Variants in TNFRSF13C observed in about 807,000 individuals in gnomAD.
TNFRSF13C encodes the protein TNF receptor superfamily member 13C.
In TNFRSF13C, 7 loss-of-function variants were observed where a neutral mutation model predicts 12.1. That is an observed-to-expected ratio of 0.58 (90% CI 0.33 to 1.08). TNFRSF13C has a LOEUF of 1.08. Ranked by LOEUF, TNFRSF13C falls within the 50% of genes least tolerant of loss-of-function variation. The pLI, the probability that TNFRSF13C is intolerant of heterozygous loss-of-function variation, is 0.04. For synonymous variants in TNFRSF13C, 157 were observed against 130.8 expected, an observed-to-expected ratio of 1.20 and a Z score of -1.37; for missense variants, 260 against 265.9, an observed-to-expected ratio of 0.98 and a Z score of 0.15.
Position 41,926,508 on chromosome 22 carries a change from C to G in TNFRSF13C, c.136+130G>C. On this transcript the variant is annotated intron_variant, in intron 1 of 2. Transcript: ENST00000291232. The surrounding 1 kb of genome is among the most constrained non-coding windows in gnomAD (Gnocchi z 4.9). ...GCCACGCGGTGATCGCGGGCCCCTC[C>G]AGGCCCTGCCCACAGGGTCCTTTCA... 8.2e-7 allele frequency: 1 copy of G among 1,224,954 alleles called. No individual in the cohort carries two copies. The highest frequency in any genetic ancestry group is 1.1e-6 in the Non-Finnish European group (1 of 952,120). The allele number at this position is 1,224,954 out of a possible 1,614,324, so 75.9% of individuals were successfully genotyped here. A position where few individuals can be genotyped will look rare whatever the true frequency, so the allele number is the denominator to read the frequency against.
At chr22:41,925,680 C>A in intron 2 of TNFRSF13C, 126 bp from the exon 3 acceptor site, 2 of 1,172,770 alleles carry the variant, frequency 1.7e-6, no homozygotes, top group Non-Finnish European at 2.4e-6. Context: ...GGGGTGGCAC[C>A]TGGCTGACCC....
chr22:41,926,011 C>A lies in TNFRSF13C; in HGVS notation c.367+90G>T, dbSNP rs987943773. 3.3e-6 allele frequency: 5 copies of A among 1,532,568 alleles called. No homozygotes were observed. The highest frequency in any genetic ancestry group is 2.7e-6 in the Non-Finnish European group (3 of 1,118,510). The allele number at this position is 1,532,568 out of a possible 1,614,324, so 94.9% of individuals were successfully genotyped here. On this transcript the variant is annotated intron_variant, in intron 2 of 2. Coordinates refer to ENST00000291232, the MANE Select transcript of TNFRSF13C (RefSeq NM_052945.4). The surrounding 1 kb of genome is among the most constrained non-coding windows in gnomAD (Gnocchi z 4.9). Reference sequence around the variant, plus strand: ...TTTCCCCTTAAAGCCCTTCTCTCCCCCTCAGGGGCCATGCATCTCCCCCTA... The same window carrying A: ...TTTCCCCTTAAAGCCCTTCTCTCCCACTCAGGGGCCATGCATCTCCCCCTA...
Position 41,926,329 on chromosome 22 carries a change from C to T in TNFRSF13C, c.139G>A (p.Gly47Arg), listed in dbSNP as rs1301803591. The change falls in exon 2 of 3, where the codon GGG (glycine) becomes AGG (arginine). Residue 47 changes from glycine (G) to arginine (R), a missense_variant and splice_region_variant. Physicochemically the swap from Gly to Arg is moderately radical, Grantham distance 125 (BLOSUM62 -2). Transcript: ENST00000291232. This position sits in a 1 kb window ranked among gnomAD's most constrained non-coding sequence, Gnocchi z 4.9. ...GTCCTGGGCGCAGGGCTGCTGGCCC[C>T]GGCTGCTTCGGGAGGGGACAGGGAG... is the stretch of plus-strand genomic sequence containing the variant. ...LLRTPRPKPAGASSPAPRTAL... is the reference protein window; with the variant it reads ...LLRTPRPKPARASSPAPRTAL... The T allele has an allele frequency of 2.4e-6, 3 of 1,274,292 alleles. No individual in the cohort carries two copies. The highest frequency in any genetic ancestry group is 3.0e-6 in the Non-Finnish European group (3 of 1,004,746). 78.9% of individuals were successfully genotyped at this position (1,274,292 alleles called of 1,614,324 possible).
At position 41,926,186 on chromosome 22, in the gene TNFRSF13C, G is replaced by C; in HGVS notation, c.282C>G (p.Val94=). The part of the protein sequence containing the change: ...LLGLALVLAL[V]LVGLVSWRRR... The stretch of plus-strand genomic sequence containing the variant: ...GCCTCCAGCTCACCAGACCCACCAG[G>C]ACCAGCGCCAGGACCAGTGCCAGGC... Residue 94 remains valine (V), a synonymous_variant, in exon 2 of 3, where the codon GTC becomes GTG. Transcript: ENST00000291232. The surrounding 1 kb of genome is among the most constrained non-coding windows in gnomAD (Gnocchi z 4.9). 3 of 1,609,776 alleles carry C rather than the reference G, an allele frequency of 1.9e-6. No homozygotes were observed. The highest frequency in any genetic ancestry group is 2.5e-6 in the Non-Finnish European group (3 of 1,179,386).
Position 41,923,338 on chromosome 22 carries a change from C to A in TNFRSF13C, c.*2029G>T, listed in dbSNP as rs1479716301. On this transcript the variant is annotated 3_prime_UTR_variant, in exon 3 of 3. Transcript: ENST00000291232. ...GCTGCAACAAGTTCCAAGGAAGCTG[C>A]CCAGGGCGAAGTCCAGGTCAGGAGG... 6.5e-6 allele frequency: 1 copy of A among 154,576 alleles called. No individual in the cohort carries two copies. Among genetic ancestry groups the A allele is most frequent in the Non-Finnish European group, 1.5e-5 (1 of 68,336 alleles). 9.6% of individuals were successfully genotyped at this position (154,576 alleles called of 1,614,324 possible). A position where few individuals can be genotyped will look rare whatever the true frequency, so the allele number is the denominator to read the frequency against.
In TNFRSF13C at chr22:41,924,000, G is replaced by A. The variant is rs2077616925; in HGVS notation, c.*1367C>T. 1 of 152,182 alleles carries A rather than the reference G, an allele frequency of 6.6e-6. No homozygotes were observed. The highest frequency in any genetic ancestry group is 1.5e-5 in the Non-Finnish European group (1 of 68,034). The allele number at this position is 152,182 out of a possible 1,614,324, so 9.4% of individuals were successfully genotyped here. ...AATCTTGTACTAAATCCCAAAGCAA[G>A]CGAACCCATGAATTGATTATTCACT... On this transcript the variant is annotated 3_prime_UTR_variant, in exon 3 of 3. Coordinates refer to ENST00000291232, the MANE Select transcript of TNFRSF13C (RefSeq NM_052945.4).
rs1376149833 is a variant in TNFRSF13C at position 41,922,585 on chromosome 22, A to C, written c.*2782T>G. The C allele has an allele frequency of 6.8e-6, 1 of 148,016 alleles. No individual in the cohort carries two copies. The highest frequency in any genetic ancestry group is 2.5e-5 in the African/African-American group (1 of 39,308). 9.2% of individuals were successfully genotyped at this position (148,016 alleles called of 1,614,324 possible). A position where few individuals can be genotyped will look rare whatever the true frequency, so the allele number is the denominator to read the frequency against. ...TCTGAGCCCCAGAGGGGTTTCACCC[A>C]CCCTCGGGGTTTTCACCTGCTGAGC... On this transcript the variant is annotated 3_prime_UTR_variant, in exon 3 of 3. Coordinates refer to ENST00000291232, the MANE Select transcript of TNFRSF13C (RefSeq NM_052945.4).
At position 41,926,707 on chromosome 22, in the gene TNFRSF13C, C is replaced by T; in HGVS notation, c.67G>A (p.Glu23Lys). The stretch of plus-strand genomic sequence containing the variant: ...TGGCGGACCAGCAGGTCGAAGCACT[C>T]GGCCGGGACGCAGGGCGTGGGGGCT... Reference protein sequence around the residue: ...APAPTPCVPAECFDLLVRHCV... With the variant: ...APAPTPCVPAKCFDLLVRHCV... The change falls in exon 1 of 3, where the codon GAG (glutamate) becomes AAG (lysine). Residue 23 changes from glutamate to lysine, a missense_variant. Transcript: ENST00000291232. The surrounding 1 kb of genome is among the most constrained non-coding windows in gnomAD (Gnocchi z 4.9). 1.4e-6 allele frequency: 2 copies of T among 1,453,452 alleles called. No individual in the cohort carries two copies. The highest frequency in any genetic ancestry group is 1.8e-6 in the Non-Finnish European group (2 of 1,107,590). 90.0% of individuals were successfully genotyped at this position (1,453,452 alleles called of 1,614,324 possible). A position where few individuals can be genotyped will look rare whatever the true frequency, so the allele number is the denominator to read the frequency against.
intron 2 of TNFRSF13C, among the ~76,000 whole-genome samples, chr22:41,925,795 G>A (rs886900253): frequency 6.6e-6 from 1 of 152,096 alleles, no homozygotes. Flanking sequence ...ACCAAGCTCC[G>A]TTAGACTCCC....
In TNFRSF13C at chr22:41,926,106, T is replaced by C. The variant is rs748187229; in HGVS notation, c.362A>G (p.Lys121Arg). 3 of 1,612,558 alleles carry C rather than the reference T, an allele frequency of 1.9e-6. No individual in the cohort carries two copies. The highest frequency in any genetic ancestry group is 2.5e-6 in the Non-Finnish European group (3 of 1,179,818). Residue 121 changes from lysine to arginine, a missense_variant, in exon 2 of 3, where the codon AAG (lysine) becomes AGG (arginine). Coordinates refer to ENST00000291232, the MANE Select transcript of TNFRSF13C (RefSeq NM_052945.4). The surrounding 1 kb of genome is among the most constrained non-coding windows in gnomAD (Gnocchi z 4.9). ...ASSAEAPDGD[K>R]DAPEPLDKVI... ...CCCCTACACACGGAACTCACCGTCCTTGTCTCCGTCGGGGGCCTCTGCGGA... is the reference window on the plus strand; with the variant it reads ...CCCCTACACACGGAACTCACCGTCCCTGTCTCCGTCGGGGGCCTCTGCGGA...
In TNFRSF13C at chr22:41,926,736, G is replaced by C; in HGVS notation, c.38C>G (p.Ala13Gly). ...RGPRSLRGRDAPAPTPCVPAE... is the reference protein window; with the variant it reads ...RGPRSLRGRDGPAPTPCVPAE... ...CGGGACGCAGGGCGTGGGGGCTGGC[G>C]CGTCCCTGCCCCGCAGGCTCCGGGG... is the stretch of plus-strand genomic sequence containing the variant. Residue 13 changes from alanine to glycine, a missense_variant, in exon 1 of 3, where the codon GCG becomes GGG. Physicochemically the swap from Ala to Gly is moderately conservative, Grantham distance 60. Transcript: ENST00000291232. This position sits in a 1 kb window ranked among gnomAD's most constrained non-coding sequence, Gnocchi z 4.9. 1 of 1,413,688 alleles carries C rather than the reference G, an allele frequency of 7.1e-7. No homozygotes were observed. The highest frequency in any genetic ancestry group is 9.2e-7 in the Non-Finnish European group (1 of 1,086,904). 87.6% of individuals were successfully genotyped at this position (1,413,688 alleles called of 1,614,324 possible).
rs929331252 is a variant in TNFRSF13C, at chr22:41,924,529, C to A, written c.*838G>T. The A allele has an allele frequency of 1.3e-5, 2 of 150,464 alleles. No homozygotes were observed. Among genetic ancestry groups the A allele is most frequent in the Non-Finnish European group, 3.0e-5 (2 of 67,780 alleles). 9.3% of individuals were successfully genotyped at this position (150,464 alleles called of 1,614,324 possible). ...AAAAAATTAGCTGGGCAAGGTGGAG[C>A]ACCTGTAGTCCCACCTACTCAGGAG... On this transcript the variant is annotated 3_prime_UTR_variant, in exon 3 of 3. Transcript: ENST00000291232.
In TNFRSF13C at chr22:41,924,019, A is replaced by G. The variant is rs1481528421; in HGVS notation, c.*1348T>C. The G allele has an allele frequency of 6.6e-6, 1 of 152,242 alleles. No homozygotes were observed. Among genetic ancestry groups the G allele is most frequent in the Admixed American group, 6.5e-5 (1 of 15,292 alleles). The allele number at this position is 152,242 out of a possible 1,614,324, so 9.4% of individuals were successfully genotyped here. A position where few individuals can be genotyped will look rare whatever the true frequency, so the allele number is the denominator to read the frequency against. The stretch of plus-strand genomic sequence containing the variant: ...AAGCAAGCGAACCCATGAATTGATT[A>G]TTCACTGCTGCCATTTGCATCAGTT... On this transcript the variant is annotated 3_prime_UTR_variant, in exon 3 of 3. Coordinates refer to ENST00000291232, the MANE Select transcript of TNFRSF13C (RefSeq NM_052945.4).
Position 41,924,082 on chromosome 22 carries a change from A to C in TNFRSF13C, c.*1285T>G, listed in dbSNP as rs933799180. 1.1e-4 allele frequency: 16 copies of C among 152,106 alleles called. No homozygotes were observed. Among genetic ancestry groups the C allele is most frequent in the African/African-American group, 3.9e-4 (16 of 41,398 alleles). 9.4% of individuals were successfully genotyped at this position (152,106 alleles called of 1,614,324 possible). A position where few individuals can be genotyped will look rare whatever the true frequency, so the allele number is the denominator to read the frequency against. ...GGCTCTGAGGGCAGGTATTAAAGAA[A>C]TAGAGGCCAGGCCCGGCGCCTCCTG... On this transcript the variant is annotated 3_prime_UTR_variant, in exon 3 of 3. Transcript: ENST00000291232.
Position 41,926,369 on chromosome 22 carries a change from C to T in TNFRSF13C, c.137-38G>A, listed in dbSNP as rs1335918538. On this transcript the variant is annotated intron_variant, in intron 1 of 2. Coordinates refer to ENST00000291232, the MANE Select transcript of TNFRSF13C (RefSeq NM_052945.4). This position sits in a 1 kb window ranked among gnomAD's most constrained non-coding sequence, Gnocchi z 4.9. ...GGGACAGGGAGGGAGGCCAGGGGGC[C>T]GAGGGGAGGGAGGAGCGGGGACGGG... 2.1e-6 allele frequency: 2 copies of T among 968,456 alleles called. No homozygotes were observed. The highest frequency in any genetic ancestry group is 1.9e-5 in the African/African-American group (1 of 51,990). 60.0% of individuals were successfully genotyped at this position (968,456 alleles called of 1,614,324 possible).
At position 41,925,688 on chromosome 22, in the gene TNFRSF13C, C is replaced by T. The variant is rs936320734; in HGVS notation, c.368-134G>A. Reference sequence around the variant, plus strand: ...GTGGGGAGGGGTGGCACCTGGCTGACCCTGAGTCCAGAGGCCTGGCCAGTG... The same window carrying T: ...GTGGGGAGGGGTGGCACCTGGCTGATCCTGAGTCCAGAGGCCTGGCCAGTG... On this transcript the variant is annotated intron_variant, in intron 2 of 2. Transcript: ENST00000291232. 3.5e-6 allele frequency: 4 copies of T among 1,128,002 alleles called. No homozygotes were observed. The African/African-American group carries it at 4.6e-5, about 13-fold the overall frequency. The allele number at this position is 1,128,002 out of a possible 1,614,324, so 69.9% of individuals were successfully genotyped here.
Position 41,926,462 on chromosome 22 carries a change from G to C in TNFRSF13C, c.137-131C>G, listed in dbSNP as rs2077632584. The C allele has an allele frequency of 9.1e-7, 1 of 1,094,602 alleles. No individual in the cohort carries two copies. Among genetic ancestry groups the C allele is most frequent in the South Asian group, 2.3e-5 (1 of 44,094 alleles). 67.8% of individuals were successfully genotyped at this position (1,094,602 alleles called of 1,614,324 possible). A position where few individuals can be genotyped will look rare whatever the true frequency, so the allele number is the denominator to read the frequency against. On this transcript the variant is annotated intron_variant, in intron 1 of 2. Coordinates refer to ENST00000291232, the MANE Select transcript of TNFRSF13C (RefSeq NM_052945.4). The surrounding 1 kb of genome is among the most constrained non-coding windows in gnomAD (Gnocchi z 4.9). ...AGCCGGGGGGCGGTGGACAAGGGGA[G>C]GGAGAGAGGCGGCGGTGAGGGCCAC...
At position 41,926,724 on chromosome 22, in the gene TNFRSF13C, G is replaced by A; in HGVS notation, c.50C>T (p.Thr17Met). The A allele has an allele frequency of 1.4e-6, 2 of 1,436,098 alleles. No individual in the cohort carries two copies. Among genetic ancestry groups the A allele is most frequent in the Non-Finnish European group, 1.8e-6 (2 of 1,098,488 alleles). 89.0% of individuals were successfully genotyped at this position (1,436,098 alleles called of 1,614,324 possible). A position where few individuals can be genotyped will look rare whatever the true frequency, so the allele number is the denominator to read the frequency against. Residue 17 changes from threonine (T) to methionine (M), a missense_variant, in exon 1 of 3, where the codon ACG (threonine) becomes ATG (methionine). Transcript: ENST00000291232. The surrounding 1 kb of genome is among the most constrained non-coding windows in gnomAD (Gnocchi z 4.9). ...GAAGCACTCGGCCGGGACGCAGGGC[G>A]TGGGGGCTGGCGCGTCCCTGCCCCG... ...SLRGRDAPAPTPCVPAECFDL... is the reference protein window; with the variant it reads ...SLRGRDAPAPMPCVPAECFDL...
In TNFRSF13C at chr22:41,926,504, C is replaced by A; in HGVS notation, c.136+134G>T. The A allele has an allele frequency of 8.3e-7, 1 of 1,201,526 alleles. No homozygotes were observed. The highest frequency in any genetic ancestry group is 1.1e-6 in the Non-Finnish European group (1 of 931,554). 74.4% of individuals were successfully genotyped at this position (1,201,526 alleles called of 1,614,324 possible). A position where few individuals can be genotyped will look rare whatever the true frequency, so the allele number is the denominator to read the frequency against. ...GAGGGCCACGCGGTGATCGCGGGCC[C>A]CTCCAGGCCCTGCCCACAGGGTCCT... On this transcript the variant is annotated intron_variant, in intron 1 of 2. Transcript: ENST00000291232. The surrounding 1 kb of genome is among the most constrained non-coding windows in gnomAD (Gnocchi z 4.9).
Sources: gnomAD v4.1 joint callset for allele counts (sites outside exome capture counted in the v4.1 genomes callset) on GRCh38, gnomAD v4.1.1 for gene constraint, Gnocchi (gnomAD v3.1) non-coding constraint, MANE v1.5 for transcripts, NCBI Gene and HGNC (gene_info 2026-07-23, HGNC 2026-07-21) for gene names.